Variants in CEP112 observed in about 807,000 individuals in gnomAD.
CEP112 encodes the protein centrosomal protein 112, also known as centrosomal protein of 112 kDa.
Under a neutral mutation model 153.0 loss-of-function variants are expected in CEP112, and 127 were observed. The observed-to-expected ratio is 0.83, with a 90% CI of 0.72 to 0.96. The LOEUF (loss-of-function observed/expected upper bound fraction) is 0.96. Among genes scored for constraint, CEP112 ranks in the 40% least tolerant of loss-of-function variants. The probability of loss-of-function intolerance (pLI) is 0.00; values close to 1 mark genes in which losing one functional copy is unlikely to be tolerated. For missense variants in CEP112, 1,089 were observed against 1,101.2 expected, an observed-to-expected ratio of 0.99 and a Z score of 0.16; for synonymous variants, 358 against 374.4, an observed-to-expected ratio of 0.96 and a Z score of 0.51.
chr17:66,166,181 G>T (rs1279620914), intron 4 of CEP112, among the ~76,000 whole-genome samples: 1 of 152,046 alleles, frequency 6.6e-6, no homozygotes, highest in Non-Finnish European at 1.5e-5. Context: ...TAAGCAATCT[G>T]GTGTAGGCTC....
chr17:65,937,651 G>T (rs1273345635), intron 18 of CEP112, among the ~76,000 whole-genome samples: 1 of 76,314 alleles, frequency 1.3e-5, no homozygotes, highest in African/African-American at 4.2e-5. Flanking sequence ...CAGCCGCCCT[G>T]TCCGGGAGGT....
chr17:66,161,318 T>G (rs1233253808), intron 4 of CEP112, among the ~76,000 whole-genome samples: 5 of 152,124 alleles, frequency 3.3e-5, no homozygotes, highest in Non-Finnish European at 5.9e-5. Context: ...TTTGACCTAG[T>G]AATCTCATTA....
intron 12 of CEP112, among the ~76,000 whole-genome samples, chr17:66,051,749 G>C (rs1253899762): frequency 6.6e-6 from 1 of 152,218 alleles, no homozygotes; most frequent in African/African-American, 2.4e-5. Flanking sequence ...GACCAAGCCA[G>C]GCTGGCCTGG....
At chr17:66,125,471 A>G (rs770719352) in intron 6 of CEP112, among the ~76,000 whole-genome samples, 1 of 152,176 alleles carries the variant, frequency 6.6e-6, no homozygotes, top group African/African-American at 2.4e-5. Flanking sequence ...CACTATGATC[A>G]TGCCACTGCA....
At chr17:65,828,664 A>G (rs1268136094) in intron 21 of CEP112, among the ~76,000 whole-genome samples, 1 of 148,918 alleles carries the variant, frequency 6.7e-6, no homozygotes, top group East Asian at 2.1e-4. Flanking sequence ...TAACTAGTAT[A>G]TAAAGAATCA....
At chr17:65,721,005 C>T (rs1567913675) in intron 23 of CEP112, among the ~76,000 whole-genome samples, 4 of 140,826 alleles carry the variant, frequency 2.8e-5, no homozygotes, top group African/African-American at 1.1e-4. Flanking sequence ...CTCTCTCTCT[C>T]TCTCTTTTTT....
chr17:65,925,695 C>A (rs1000388125), intron 19 of CEP112, among the ~76,000 whole-genome samples: 1 of 152,162 alleles, frequency 6.6e-6, no homozygotes, highest in South Asian at 2.1e-4. Flanking sequence ...TCCTTCCAGG[C>A]GGAGGATTAC....
chr17:65,723,781 AC>A (rs2050026088), intron 23 of CEP112, among the ~76,000 whole-genome samples: 1 of 152,256 alleles, frequency 6.6e-6, no homozygotes, highest in South Asian at 2.1e-4. Context: ...ATCATTATTT[AC>A]ACATAAAAAT....
At chr17:65,820,955 C>T (rs1222100943) in intron 21 of CEP112, among the ~76,000 whole-genome samples, 1 of 152,058 alleles carries the variant, frequency 6.6e-6, no homozygotes, top group Non-Finnish European at 1.5e-5. Flanking sequence ...AGGATGTCTA[C>T]TGATCTGTTA....
intron 21 of CEP112, 27 bp from the exon 22 acceptor site, chr17:65,750,751 T>C (rs983927107): frequency 3.7e-6 from 6 of 1,606,914 alleles, no homozygotes; most frequent in Non-Finnish European, 5.1e-6. Context: ...CATGAACACA[T>C]ACACAGTGAC....
chr17:65,695,092 A>G (rs943532043), intron 23 of CEP112, among the ~76,000 whole-genome samples: 2 of 152,212 alleles, frequency 1.3e-5, no homozygotes, highest in African/African-American at 2.4e-5. Flanking sequence ...GGGAAGCTAC[A>G]CCGCTCCTGA....
At chr17:66,171,087 T>C (rs958447836) in intron 4 of CEP112, among the ~76,000 whole-genome samples, 4 of 152,156 alleles carry the variant, frequency 2.6e-5, no homozygotes, top group Non-Finnish European at 4.4e-5. Flanking sequence ...AACAAGACTA[T>C]ATACCATATC....
intron 24 of CEP112, among the ~76,000 whole-genome samples, chr17:65,641,744 C>T (rs2045147526): frequency 2.0e-5 from 3 of 152,062 alleles, no homozygotes. Flanking sequence ...AGACTTTTTC[C>T]ACCAAAACCC....
At chr17:65,758,446 T>C (rs142126321) in intron 21 of CEP112, among the ~76,000 whole-genome samples, 120 of 152,264 alleles carry the variant, frequency 7.9e-4, no homozygotes, top group African/African-American at 2.8e-3. Flanking sequence ...GTGTCCATGG[T>C]TGTAATTATC....
chr17:65,773,180 C>T (rs764410845), intron 21 of CEP112, among the ~76,000 whole-genome samples: 1 of 152,182 alleles, frequency 6.6e-6, no homozygotes, highest in Non-Finnish European at 1.5e-5. Context: ...GGTACAGACG[C>T]TTGAGGAAGC....
At chr17:65,944,055 G>T (rs1005993835) in intron 18 of CEP112, among the ~76,000 whole-genome samples, 2 of 152,166 alleles carry the variant, frequency 1.3e-5, no homozygotes, top group Non-Finnish European at 2.9e-5. Flanking sequence ...TCATGTCTTT[G>T]CAGGGACATG....
chr17:66,121,922 T>C (rs1328592824), intron 6 of CEP112, among the ~76,000 whole-genome samples: 1 of 151,918 alleles, frequency 6.6e-6, no homozygotes, highest in East Asian at 1.9e-4. Context: ...TCAGACAGAG[T>C]CTCGCTCTGT....
At chr17:65,883,284 A>AGT (rs1228365854) in intron 20 of CEP112, among the ~76,000 whole-genome samples, 23 of 147,552 alleles carry the variant, frequency 1.6e-4, no homozygotes, top group African/African-American at 5.2e-4. Context: ...ATATATATGA[A>AGT]GTGTATATAT....
chr17:65,906,535 A>G (rs2143695535), intron 19 of CEP112, among the ~76,000 whole-genome samples: 1 of 152,340 alleles, frequency 6.6e-6, no homozygotes, highest in East Asian at 1.9e-4. Context: ...ACAATAATGT[A>G]TAAATAATAA....
Sources: gnomAD v4.1 joint callset for allele counts (sites outside exome capture counted in the v4.1 genomes callset) on GRCh38, gnomAD v4.1.1 for gene constraint, MANE v1.5 for transcripts, NCBI Gene and HGNC (gene_info 2026-07-23, HGNC 2026-07-21) for gene names.